CTTNBP2: variants seen among roughly 807,000 people sequenced by gnomAD.
CTTNBP2 encodes the protein cortactin binding protein 2, also known as cortactin-binding protein 2.
In CTTNBP2, 108 loss-of-function variants were observed where a neutral mutation model predicts 156.9. The ratio of observed to expected loss-of-function variants is 0.69; its 90% CI spans 0.59 to 0.81. The LOEUF (loss-of-function observed/expected upper bound fraction) is 0.81, where lower values mean the gene tolerates loss of function less well. Ranked by LOEUF, CTTNBP2 falls within the 30% of genes least tolerant of loss-of-function variation. The probability of loss-of-function intolerance (pLI) is 0.00; values close to 1 mark genes in which losing one functional copy is unlikely to be tolerated. For synonymous variants in CTTNBP2, 767 were observed against 751.8 expected (o/e 1.02, Z -0.33); for missense variants, 1,924 against 2,035.4 (o/e 0.95, Z 1.05).
rs774588895 is a variant in CTTNBP2 at position 117,757,934 on chromosome 7, T to C, written c.3209A>G (p.Gln1070Arg). The change falls in exon 11 of 23, where the codon CAG (glutamine) becomes CGG (arginine). Residue 1070 changes from glutamine to arginine, a missense_variant. By Grantham distance (43) the Gln-to-Arg change is conservative (BLOSUM62 1). Coordinates refer to ENST00000160373, the MANE Select transcript of CTTNBP2 (RefSeq NM_033427.3). ...VPWSVGQSFA[Q>R]SPWDFMRKNK... ...CTTCCTCATAAAGTCCCACGGGGACTGCGCGAAGCTCTGACCCACTGACCA... is the reference window on the plus strand; with the variant it reads ...CTTCCTCATAAAGTCCCACGGGGACCGCGCGAAGCTCTGACCCACTGACCA... 8 of 1,613,662 alleles carry C rather than the reference T, an allele frequency of 5.0e-6. No individual in the cohort carries two copies. The highest frequency in any genetic ancestry group is 6.8e-6 in the Non-Finnish European group (8 of 1,179,852).
intron 3 of CTTNBP2, among the ~76,000 whole-genome samples, chr7:117,806,779 GAC>G (rs1480423074): frequency 1.5e-5 from 2 of 131,716 alleles, no homozygotes; most frequent in Non-Finnish European, 3.1e-5. Flanking sequence ...TTTATTTTGA[GAC>G]AGAGTCTCGC....
At chr7:117,846,185 G>A (rs1237224766) in intron 2 of CTTNBP2, among the ~76,000 whole-genome samples, 2 of 152,044 alleles carry the variant, frequency 1.3e-5, no homozygotes, top group Admixed American at 6.5e-5. Flanking sequence ...CCTACTCATA[G>A]CTAATGGAAA....
chr7:117,772,380 G>A (rs1345512481), intron 8 of CTTNBP2, among the ~76,000 whole-genome samples: 1 of 152,168 alleles, frequency 6.6e-6, no homozygotes, highest in Non-Finnish European at 1.5e-5. Flanking sequence ...GGAAGATGGA[G>A]CAAGTAAACA....
At chr7:117,746,130 G>A (rs1406179966) in intron 12 of CTTNBP2, 31 bp from the exon 13 acceptor site, 2 of 1,497,232 alleles carry the variant, frequency 1.3e-6, no homozygotes, top group African/African-American at 1.4e-5. Flanking sequence ...GAGCTAGGGT[G>A]AAGATGCTAA....
chr7:117,854,296 T>A (rs949279747), intron 2 of CTTNBP2, among the ~76,000 whole-genome samples: 1 of 152,244 alleles, frequency 6.6e-6, no homozygotes, highest in Non-Finnish European at 1.5e-5. Context: ...ATCAAATGCC[T>A]GCATTCACAG....
chr7:117,770,809 A>G (rs928771321), intron 8 of CTTNBP2, among the ~76,000 whole-genome samples: 2 of 152,190 alleles, frequency 1.3e-5, no homozygotes, highest in Non-Finnish European at 2.9e-5. Context: ...TTGTGTGAAG[A>G]GGACAAATGC....
intron 2 of CTTNBP2, among the ~76,000 whole-genome samples, chr7:117,849,778 C>T (rs1485230812): frequency 6.6e-6 from 1 of 152,190 alleles, no homozygotes; most frequent in Non-Finnish European, 1.5e-5. Flanking sequence ...TTCATTAGAA[C>T]TCTTTTCTCT....
chr7:117,822,543 G>T (rs989679083), intron 2 of CTTNBP2, among the ~76,000 whole-genome samples: 1 of 152,114 alleles, frequency 6.6e-6, no homozygotes, highest in Non-Finnish European at 1.5e-5. Context: ...TGTTTTAGCT[G>T]CATCTCAAAT....
rs761508785 is a variant in CTTNBP2, at chr7:117,791,774, G to T, written c.1422C>A (p.Val474=). The change falls in exon 4 of 23, where the codon GTC becomes GTA. Residue 474 remains valine (V), a synonymous_variant. Transcript: ENST00000160373. The part of the protein sequence containing the change: ...NTTQSPPSRD[V]SPTSRDNLVA... ...CTAGGTTGTCACGACTTGTAGGCGA[G>T]ACATCTCTTGACGGAGGACTTTGGG... 6.2e-7 allele frequency: 1 copy of T among 1,614,240 alleles called. No homozygotes were observed. Among genetic ancestry groups the T allele is most frequent in the Non-Finnish European group, 8.5e-7 (1 of 1,180,044 alleles).
chr7:117,759,021 C>G (rs1470643218), intron 10 of CTTNBP2, among the ~76,000 whole-genome samples: 1 of 152,166 alleles, frequency 6.6e-6, no homozygotes, highest in Non-Finnish European at 1.5e-5. Context: ...GGGCCAGAAC[C>G]ACAGTTTGAG....
At chr7:117,726,449 C>G (rs1410965699) in intron 17 of CTTNBP2, among the ~76,000 whole-genome samples, 1 of 152,010 alleles carries the variant, frequency 6.6e-6, no homozygotes, top group Non-Finnish European at 1.5e-5. Context: ...GCAGTTATTC[C>G]TAAAAGTGCT....
chr7:117,799,543 T>C (rs1439435023), intron 3 of CTTNBP2, among the ~76,000 whole-genome samples: 2 of 151,810 alleles, frequency 1.3e-5, no homozygotes, highest in African/African-American at 4.8e-5. Flanking sequence ...ACAGCTAACA[T>C]TGTACTTAAT....
chr7:117,819,414 C>T (rs953938939), intron 2 of CTTNBP2, among the ~76,000 whole-genome samples: 6 of 147,788 alleles, frequency 4.1e-5, no homozygotes, highest in Non-Finnish European at 8.9e-5. Context: ...CACACACACA[C>T]GGAATGGCTG....
intron 2 of CTTNBP2, among the ~76,000 whole-genome samples, chr7:117,818,733 G>C (rs1442505665): frequency 6.6e-6 from 1 of 152,152 alleles, no homozygotes. Flanking sequence ...GAAAGAACTA[G>C]GGATGCTTGA....
intron 11 of CTTNBP2, 95 bp downstream of exon 11, chr7:117,757,780 C>T (rs1796968218): frequency 2.7e-6 from 2 of 738,262 alleles, no homozygotes; most frequent in Non-Finnish European, 4.4e-6. Context: ...GGCTAGAAGA[C>T]ATGGGATGAA....
At chr7:117,848,378 C>T (rs1382828386) in intron 2 of CTTNBP2, among the ~76,000 whole-genome samples, 2 of 152,106 alleles carry the variant, frequency 1.3e-5, no homozygotes, top group Non-Finnish European at 2.9e-5. Flanking sequence ...CTACTTTGCC[C>T]AAGCATCCTG....
chr7:117,754,857 T>C (rs1796801543), intron 12 of CTTNBP2, among the ~76,000 whole-genome samples: 1 of 152,238 alleles, frequency 6.6e-6, no homozygotes, highest in Admixed American at 6.5e-5. Context: ...ATATTTTACA[T>C]ATAATGTGAC....
At position 117,721,066 on chromosome 7, in the gene CTTNBP2, CT is replaced by C; in HGVS notation, c.4511del (p.Lys1504SerfsTer3). Reference protein sequence around the residue: ...CNRNASLSKQKSLENDLSLTL... With the variant: ...CNRNASLSKQXSLENDLSLTL... ...GAGTTAAATTTGAAAGGGGAACTTA[CT>C]TTTGTTTTGACAGAGAAGCATTCCT... On this transcript the variant is annotated frameshift_variant and splice_region_variant, in exon 20 of 23. Transcript: ENST00000160373. LOFTEE classifies it high-confidence loss of function. 6.3e-7 allele frequency: 1 copy of C among 1,584,976 alleles called. No homozygotes were observed. Among genetic ancestry groups the C allele is most frequent in the Non-Finnish European group, 8.7e-7 (1 of 1,153,682 alleles).
chr7:117,774,892 G>T (rs1320863468), intron 8 of CTTNBP2, among the ~76,000 whole-genome samples: 1 of 152,154 alleles, frequency 6.6e-6, no homozygotes, highest in Non-Finnish European at 1.5e-5. Context: ...CCAATGCAAT[G>T]ACTAGCTCAG....
Sources: allele counts gnomAD v4.1 joint callset (sites outside exome capture counted in the v4.1 genomes callset), GRCh38; gene constraint gnomAD v4.1.1; transcripts MANE v1.5; gene names NCBI Gene and HGNC (gene_info 2026-07-23, HGNC 2026-07-21).